Variants in NEGR1 observed in about 807,000 individuals in gnomAD.
NEGR1 encodes the protein IgLON family member 4.
In NEGR1, 10 loss-of-function variants were observed where a neutral mutation model predicts 40.9. The ratio of observed to expected loss-of-function variants is 0.24; its 90% CI spans 0.15 to 0.42. The LOEUF (loss-of-function observed/expected upper bound fraction) is 0.42, where lower values mean the gene tolerates loss of function less well. NEGR1 is among the 10% of genes least tolerant of loss of function. NEGR1 has a pLI of 1.00. For synonymous variants in NEGR1, 185 were observed against 166.8 expected (o/e 1.11, Z -0.84); for missense variants, 352 against 438.9 (o/e 0.80, Z 1.77).
intron 6 of NEGR1, among the ~76,000 whole-genome samples, chr1:71,520,014 G>A (rs1647144109): frequency 6.6e-6 from 1 of 152,042 alleles, no homozygotes; most frequent in South Asian, 2.1e-4. Flanking sequence ...ACACAAAAAA[G>A]ACAAAATTTC....
chr1:72,274,467 A>G, intron 1 of NEGR1: 2 of 575,168 alleles, frequency 3.5e-6, no homozygotes, highest in South Asian at 4.0e-5. Flanking sequence ...CTTGAGCAGC[A>G]GAAGCACATA....
At chr1:71,680,637 G>T (rs1203398259) in intron 4 of NEGR1, among the ~76,000 whole-genome samples, 1 of 151,954 alleles carries the variant, frequency 6.6e-6, no homozygotes, top group Non-Finnish European at 1.5e-5. Context: ...TAGTCAATGG[G>T]TTTACCATTT....
At chr1:71,655,906 C>A (rs1570158734) in intron 4 of NEGR1, among the ~76,000 whole-genome samples, 1 of 152,170 alleles carries the variant, frequency 6.6e-6, no homozygotes, top group East Asian at 1.9e-4. Flanking sequence ...CCCTAGCAAG[C>A]TTCTGCTTAG....
At chr1:71,457,421 C>T (rs10889916) in intron 6 of NEGR1, among the ~76,000 whole-genome samples, 113,770 of 152,122 alleles carry the variant, frequency 0.75, 42,960 homozygotes, top group Non-Finnish European at 0.77. Flanking sequence ...ATAGATCTGC[C>T]CATGACACCC....
intron 2 of NEGR1, among the ~76,000 whole-genome samples, chr1:71,917,472 A>AT (rs1456011896): frequency 4.6e-5 from 7 of 152,106 alleles, no homozygotes; most frequent in Middle Eastern, 3.4e-3. Flanking sequence ...GGCCATATCA[A>AT]TTTTTTTTAA....
chr1:71,507,099 C>A (rs1181999577), intron 6 of NEGR1, among the ~76,000 whole-genome samples: 2 of 152,200 alleles, frequency 1.3e-5, no homozygotes, highest in Non-Finnish European at 2.9e-5. Context: ...CTTAAAAAGT[C>A]TCCTGCTTCC....
chr1:71,866,448 G>A (rs2101828429), intron 2 of NEGR1, among the ~76,000 whole-genome samples: 1 of 152,244 alleles, frequency 6.6e-6, no homozygotes, highest in South Asian at 2.1e-4. Context: ...AATTCTTTCA[G>A]CATTTCAATA....
chr1:72,206,631 T>C (rs1169689209), intron 1 of NEGR1, among the ~76,000 whole-genome samples: 1 of 151,958 alleles, frequency 6.6e-6, no homozygotes, highest in Non-Finnish European at 1.5e-5. Flanking sequence ...AAAGGCTGGG[T>C]TCTCATAGTC....
intron 1 of NEGR1, among the ~76,000 whole-genome samples, chr1:72,090,662 A>G (rs944479526): frequency 1.3e-5 from 2 of 152,032 alleles, no homozygotes; most frequent in Non-Finnish European, 2.9e-5. Context: ...CACTGAACAC[A>G]TTTGCTAAGC....
intron 1 of NEGR1, among the ~76,000 whole-genome samples, chr1:72,070,914 TG>T (rs1268442773): frequency 5.3e-5 from 8 of 152,118 alleles, no homozygotes; most frequent in East Asian, 1.9e-4. Flanking sequence ...ACCTTTAGAA[TG>T]TTTTTTTCAT....
rs565266717 is a variant in NEGR1 at position 72,082,311 on chromosome 1, A to G, written c.177-147000T>C. Among the ~76,000 whole-genome samples, 52 of 152,246 alleles carry G rather than the reference A, an allele frequency of 3.4e-4. No individual in the cohort carries two copies. In the South Asian group the frequency reaches 0.01, roughly 30 times the overall value. ...CACACAATTCAGTAACTATTTGATG[A>G]TTCTTAAGAAGATGACAGTAAGGGA... On this transcript the variant is annotated intron_variant, in intron 1 of 6. Transcript: ENST00000357731.
chr1:71,710,103 GAAGACATACAAATAGCAAAC>G (rs973524048), intron 3 of NEGR1, among the ~76,000 whole-genome samples: 9 of 152,140 alleles, frequency 5.9e-5, no homozygotes, highest in African/African-American at 2.2e-4. Flanking sequence ...TTTCTCAAAA[GAAGACATACAAATAGCAAAC>G]AGGCATTTGA....
intron 1 of NEGR1, among the ~76,000 whole-genome samples, chr1:72,086,876 A>G (rs916128338): frequency 6.6e-6 from 1 of 152,202 alleles, no homozygotes; most frequent in Non-Finnish European, 1.5e-5. Flanking sequence ...TGCATATGTC[A>G]TAACTTTTAA....
At chr1:71,513,395 C>G (rs1557551464) in intron 6 of NEGR1, among the ~76,000 whole-genome samples, 1 of 152,040 alleles carries the variant, frequency 6.6e-6, no homozygotes, top group African/African-American at 2.4e-5. Flanking sequence ...GGACCAGAAA[C>G]CTATTTTTTC....
chr1:72,082,363 A>T (rs2100529975), intron 1 of NEGR1, among the ~76,000 whole-genome samples: 1 of 152,236 alleles, frequency 6.6e-6, no homozygotes, highest in South Asian at 2.1e-4. Flanking sequence ...AAGAATAATA[A>T]TGTTATTTTA....
At chr1:71,614,575 C>A (rs1231839001) in intron 4 of NEGR1, among the ~76,000 whole-genome samples, 2 of 152,086 alleles carry the variant, frequency 1.3e-5, no homozygotes, top group Admixed American at 6.5e-5. Context: ...TCCTGTCACA[C>A]AAACAGACTG....
At chr1:72,097,048 A>T (rs2100235030) in intron 1 of NEGR1, among the ~76,000 whole-genome samples, 1 of 152,262 alleles carries the variant, frequency 6.6e-6, no homozygotes, top group Non-Finnish European at 1.5e-5. Context: ...TTAAATTTGC[A>T]GGCAAAATAA....
intron 1 of NEGR1, among the ~76,000 whole-genome samples, chr1:72,071,680 C>T (rs961801614): frequency 1.3e-5 from 2 of 152,086 alleles, no homozygotes; most frequent in African/African-American, 4.8e-5. Flanking sequence ...CACTTTTGCA[C>T]TATGTTTGAT....
At chr1:71,954,112 G>C (rs1330286227) in intron 1 of NEGR1, among the ~76,000 whole-genome samples, 1 of 151,884 alleles carries the variant, frequency 6.6e-6, no homozygotes, top group Non-Finnish European at 1.5e-5. Flanking sequence ...TTATAGACAG[G>C]AATCATTTAG....
Sources: allele counts gnomAD v4.1 joint callset (sites outside exome capture counted in the v4.1 genomes callset), GRCh38; gene constraint gnomAD v4.1.1; transcripts MANE v1.5; gene names NCBI Gene and HGNC (gene_info 2026-07-23, HGNC 2026-07-21).